Variants in RSPO3 observed in about 807,000 individuals in gnomAD.
RSPO3 encodes the protein R-spondin-3.
A neutral mutation model predicts 36.5 loss-of-function variants in RSPO3; 17 were observed. The observed-to-expected ratio is 0.47, with a 90% CI of 0.32 to 0.70. The LOEUF is 0.70. Among genes scored for constraint, RSPO3 ranks in the 30% least tolerant of loss-of-function variants. The pLI, the probability that RSPO3 is intolerant of heterozygous loss-of-function variation, is 0.04. For synonymous variants in RSPO3, 108 were observed against 107.0 expected, an observed-to-expected ratio of 1.01 and a Z score of -0.06; for missense variants, 294 against 322.5, an observed-to-expected ratio of 0.91 and a Z score of 0.68.
At chr6:127,188,786 C>G (rs2114265627) in intron 4 of RSPO3, among the ~76,000 whole-genome samples, 1 of 152,178 alleles carries the variant, frequency 6.6e-6, no homozygotes, top group Non-Finnish European at 1.5e-5. Context: ...CCAGCAAATT[C>G]AAATTTCAAG....
intron 1 of RSPO3, among the ~76,000 whole-genome samples, chr6:127,121,276 C>T (rs1206186760): frequency 6.6e-6 from 1 of 152,202 alleles, no homozygotes; most frequent in Non-Finnish European, 1.5e-5. Flanking sequence ...GACCACGGCG[C>T]AGGAAGCTTT....
At chr6:127,174,744 C>A (rs1775015194) in intron 4 of RSPO3, among the ~76,000 whole-genome samples, 1 of 151,800 alleles carries the variant, frequency 6.6e-6, no homozygotes, top group Non-Finnish European at 1.5e-5. Context: ...AGTCATAGAA[C>A]TGAACATAGT....
rs1212839802 is a variant in RSPO3 at position 127,173,476 on chromosome 6, AG to A, written c.634+18040del. 8.7e-4 allele frequency among the ~76,000 whole-genome samples: 133 copies of A among 152,008 alleles called. 2 individuals carry two copies. Among genetic ancestry groups the A allele is most frequent in the Non-Finnish European group, 1.9e-4 (13 of 67,884 alleles). ...AAAGAATCTCACTTGGCTTTTTAAA[AG>A]GTTGTTAAAATTAATACTTAATCCA... is the stretch of plus-strand genomic sequence containing the variant. On this transcript the variant is annotated intron_variant, in intron 4 of 4. Coordinates refer to ENST00000356698, the MANE Select transcript of RSPO3 (RefSeq NM_032784.5).
intron 1 of RSPO3, among the ~76,000 whole-genome samples, chr6:127,130,899 C>A (rs372184613): frequency 4.6e-5 from 7 of 152,112 alleles, no homozygotes; most frequent in African/African-American, 1.7e-4. Context: ...GAACAAGGTC[C>A]AAACATGGTA....
At chr6:127,164,065 T>G (rs540574469) in intron 4 of RSPO3, among the ~76,000 whole-genome samples, 1 of 152,026 alleles carries the variant, frequency 6.6e-6, no homozygotes, top group African/African-American at 2.4e-5. Flanking sequence ...GCTCCAAGTC[T>G]ATATATCCAC....
intron 1 of RSPO3, among the ~76,000 whole-genome samples, chr6:127,124,586 AT>A (rs60520184): frequency 0.014 from 2,075 of 150,222 alleles, 45 homozygotes; most frequent in African/African-American, 0.048. Flanking sequence ...TTGGCCTTTG[AT>A]TTTAAGGGCA....
chr6:127,169,051 T>C (rs1032624875), intron 4 of RSPO3, among the ~76,000 whole-genome samples: 1 of 151,730 alleles, frequency 6.6e-6, no homozygotes, highest in Non-Finnish European at 1.5e-5. Flanking sequence ...TTCCTTTGTG[T>C]ATTTACCCAG....
At position 127,159,899 on chromosome 6, in the gene RSPO3, T is replaced by C. The variant is rs189583224; in HGVS notation, c.634+4461T>C. 2.0e-5 allele frequency among the ~76,000 whole-genome samples: 3 copies of C among 152,136 alleles called. No homozygotes were observed. The East Asian group carries it at 5.8e-4, about 30-fold the overall frequency. On this transcript the variant is annotated intron_variant, in intron 4 of 4. Coordinates refer to ENST00000356698, the MANE Select transcript of RSPO3 (RefSeq NM_032784.5). Reference sequence around the variant, plus strand: ...CCTGAGCTCAGGCAATCCAACTGCCTCAGCCTCCCGAAGTGCTGGGATTAC... The same window carrying C: ...CCTGAGCTCAGGCAATCCAACTGCCCCAGCCTCCCGAAGTGCTGGGATTAC...
At chr6:127,134,594 A>G (rs191371879) in intron 1 of RSPO3, among the ~76,000 whole-genome samples, 5 of 152,312 alleles carry the variant, frequency 3.3e-5, no homozygotes, top group African/African-American at 9.6e-5. Context: ...AACTTTGTTG[A>G]TGACCTTTCC....
intron 1 of RSPO3, among the ~76,000 whole-genome samples, chr6:127,141,644 A>G (rs1008665036): frequency 5.9e-5 from 9 of 152,328 alleles, no homozygotes; most frequent in African/African-American, 2.2e-4. Context: ...TGGTGAAGAC[A>G]TTCCTCTCTG....
chr6:127,192,786 A>ATG (rs2114276678), intron 4 of RSPO3: 1 of 618,576 alleles, frequency 1.6e-6, no homozygotes, highest in Non-Finnish European at 2.0e-6. Flanking sequence ...GTATATATAT[A>ATG]TGTGTGTGTA....
In RSPO3 at chr6:127,155,410, A is replaced by G; in HGVS notation, c.606A>G (p.Gln202=). Residue 202 remains glutamine (Q), a synonymous_variant, in exon 4 of 5, where the codon CAA becomes CAG. Coordinates refer to ENST00000356698, the MANE Select transcript of RSPO3 (RefSeq NM_032784.5). ...ATGAGACAAGAAAGTGTACAGTGCA[A>G]AGGAAGAAGTGTCAGAAGGGAGAAC... ...PTNETRKCTV[Q]RKKCQKGERG... The G allele has an allele frequency of 6.2e-7, 1 of 1,613,692 alleles. No homozygotes were observed. The highest frequency in any genetic ancestry group is 1.1e-5 in the South Asian group (1 of 91,070).
chr6:127,188,606 A>ATATC (rs1034324427), intron 4 of RSPO3, among the ~76,000 whole-genome samples: 5 of 151,674 alleles, frequency 3.3e-5, no homozygotes, highest in Admixed American at 3.3e-4. Flanking sequence ...ATATATATAT[A>ATATC]TCATACCTCT....
intron 1 of RSPO3, among the ~76,000 whole-genome samples, chr6:127,127,430 A>T (rs758014030): frequency 6.6e-6 from 1 of 152,184 alleles, no homozygotes; most frequent in African/African-American, 2.4e-5. Context: ...TTTAGCTCTC[A>T]GAGCCACTGT....
At chr6:127,181,225 AAT>A (rs768812308) in intron 4 of RSPO3, among the ~76,000 whole-genome samples, 3 of 151,928 alleles carry the variant, frequency 2.0e-5, no homozygotes, top group Non-Finnish European at 4.4e-5. Flanking sequence ...GGGAAGAATT[AAT>A]AGAGAAGTAG....
chr6:127,191,708 C>T (rs1016892157), intron 4 of RSPO3, among the ~76,000 whole-genome samples: 1 of 152,146 alleles, frequency 6.6e-6, no homozygotes, highest in East Asian at 1.9e-4. Context: ...TTATTACTTA[C>T]AGCAATTTTC....
At chr6:127,134,650 A>G (rs1463648394) in intron 1 of RSPO3, among the ~76,000 whole-genome samples, 2 of 152,308 alleles carry the variant, frequency 1.3e-5, no homozygotes, top group African/African-American at 4.8e-5. Context: ...CAAAATTCAG[A>G]GTCTTGAAAA....
At chr6:127,170,097 T>TA (rs922206910) in intron 4 of RSPO3, among the ~76,000 whole-genome samples, 5 of 150,908 alleles carry the variant, frequency 3.3e-5, no homozygotes, top group African/African-American at 1.2e-4. Flanking sequence ...AGTTGAGGCT[T>TA]AAAAAAAAAT....
chr6:127,185,606 GGAGT>G (rs1263895071), intron 4 of RSPO3, among the ~76,000 whole-genome samples: 1 of 152,026 alleles, frequency 6.6e-6, no homozygotes, highest in African/African-American at 2.4e-5. Context: ...AAAATTGCAT[GGAGT>G]GAGACACATG....
Sources: gnomAD v4.1 joint callset for allele counts (sites outside exome capture counted in the v4.1 genomes callset) on GRCh38, gnomAD v4.1.1 for gene constraint, MANE v1.5 for transcripts, NCBI Gene and HGNC (gene_info 2026-07-23, HGNC 2026-07-21) for gene names.